Variants in SART3 observed in about 807,000 individuals in gnomAD.
SART3 encodes spliceosome associated factor 3, U4/U6 recycling protein, also known as HIV-1 Tat-interacting protein of 110kDa.
Under a neutral mutation model 122.3 loss-of-function variants are expected in SART3, and 44 were observed. The ratio of observed to expected loss-of-function variants is 0.36; its 90% confidence interval spans 0.28 to 0.46. SART3 has a LOEUF of 0.46. Ranked by LOEUF, SART3 falls within the 20% of genes least tolerant of loss-of-function variation. The probability of loss-of-function intolerance (pLI) is 1.00; values close to 1 mark genes in which losing one functional copy is unlikely to be tolerated. For synonymous variants in SART3, 442 were observed against 454.0 expected (o/e 0.97, Z 0.34); for missense variants, 1,101 against 1,229.0 (o/e 0.90, Z 1.56).
In SART3 at chr12:108,543,021, C is replaced by A; in HGVS notation, c.906+7G>T. 6.2e-7 allele frequency: 1 copy of A among 1,614,226 alleles called. No individual in the cohort carries two copies. Among genetic ancestry groups the A allele is most frequent in the Non-Finnish European group, 8.5e-7 (1 of 1,180,038 alleles). On this transcript the variant is annotated splice_region_variant and intron_variant, in intron 6 of 18. Coordinates refer to ENST00000546815, the MANE Select transcript of SART3 (RefSeq NM_014706.4). Reference sequence around the variant, plus strand: ...AGACGTTTACTATAAAAGAAGCCAACACTTACCAGTGCTTCTTCATAGGGT... The same window carrying A: ...AGACGTTTACTATAAAAGAAGCCAAAACTTACCAGTGCTTCTTCATAGGGT...
At position 108,540,573 on chromosome 12, in the gene SART3, TAA is replaced by T. The variant is rs56122105; in HGVS notation, c.907-1486_907-1485del. Among the ~76,000 whole-genome samples, 22 of 141,252 alleles carry T rather than the reference TAA, an allele frequency of 1.6e-4. 1 individual carries two copies. The highest frequency in any genetic ancestry group is 3.3e-4 in the African/African-American group (12 of 36,378). The allele number at this position is 141,252 out of a possible 152,430, so 92.7% of individuals were successfully genotyped here. On this transcript the variant is annotated intron_variant, in intron 6 of 18. Transcript: ENST00000546815. ...TCTCCAGGTTCAATGCAATTCCAAT[TAA>T]AAAAAAAAAGATTTTAAAAATATAA...
Position 108,535,430 on chromosome 12 carries a change from G to A in SART3, c.1485C>T (p.Leu495=). ...TTCCTCTGGTCATGATGCTATCCCA[G>A]AGTTCCCGAGCTTTCTGCATGTTAT... ...LCNNMQKARE[L]WDSIMTRGNA... The change falls in exon 12 of 19, where the codon CTC becomes CTT. Residue 495 remains leucine (L), a synonymous_variant. Coordinates refer to ENST00000546815, the MANE Select transcript of SART3 (RefSeq NM_014706.4). The A allele has an allele frequency of 1.2e-6, 2 of 1,614,118 alleles. No individual in the cohort carries two copies. The highest frequency in any genetic ancestry group is 1.7e-6 in the Non-Finnish European group (2 of 1,180,002).
Position 108,530,169 on chromosome 12 carries a change from C to G in SART3, c.1888G>C (p.Glu630Gln). 1 of 1,614,184 alleles carries G rather than the reference C, an allele frequency of 6.2e-7. No individual in the cohort carries two copies. Among genetic ancestry groups the G allele is most frequent in the Non-Finnish European group, 8.5e-7 (1 of 1,180,026 alleles). Residue 630 changes from glutamate (E) to glutamine (Q), a missense_variant, in exon 15 of 19, where the codon GAG becomes CAG. Glu to Gln is a conservative substitution (Grantham distance 29). This residue lies in a region of SART3 where 885 missense variants were observed against 1,080.1 expected (regional missense o/e 0.82). Transcript: ENST00000546815. ...TCTTCATCATCGCCCCACTCTTTCT[C>G]ATCATCCTCATCTGCTCCGCGCTTC... ...PEKRGADEDD[E>Q]KEWGDDEEEQ...
chr12:108,549,906 A>C (rs1185101412), intron 1 of SART3, among the ~76,000 whole-genome samples: 1 of 151,302 alleles, frequency 6.6e-6, no homozygotes, highest in Non-Finnish European at 1.5e-5. Flanking sequence ...GGTCCCAGCT[A>C]CTTGGGAGGC....
intron 12 of SART3, chr12:108,532,586 C>G (rs1273310227): frequency 6.8e-6 from 3 of 438,186 alleles, no homozygotes; most frequent in Non-Finnish European, 1.3e-5. Context: ...ATATTGTGAT[C>G]TGCAACCAGC....
At chr12:108,525,695 A>T (rs924254422) in intron 16 of SART3, 86 bp from the exon 17 acceptor site, 79 of 1,397,344 alleles carry the variant, frequency 5.7e-5, no homozygotes, top group Non-Finnish European at 7.6e-5. Context: ...CCTTGTCCCC[A>T]TGAGCAGCCC....
chr12:108,532,760 T>C (rs1362485287), intron 12 of SART3: 1 of 205,560 alleles, frequency 4.9e-6, no homozygotes, highest in Non-Finnish European at 1.0e-5. Context: ...TCAGATCTTT[T>C]TTTTTTTTTT....
In SART3 at chr12:108,523,639, A is replaced by G. The variant is rs776471306; in HGVS notation, c.2715-5T>C. The G allele has an allele frequency of 6.2e-7, 1 of 1,613,610 alleles. No individual in the cohort carries two copies. Among genetic ancestry groups the G allele is most frequent in the Admixed American group, 1.7e-5 (1 of 60,014 alleles). The stretch of plus-strand genomic sequence containing the variant: ...TGCGTCCTTCCCTTCCCCCTCCTAA[A>G]AGAGCAAACACTGAATGGACCTTTT... On this transcript the variant is annotated splice_polypyrimidine_tract_variant and splice_region_variant and intron_variant, in intron 18 of 18. Transcript: ENST00000546815.
intron 15 of SART3, among the ~76,000 whole-genome samples, chr12:108,527,121 C>T (rs540367174): frequency 1.3e-5 from 2 of 152,188 alleles, no homozygotes; most frequent in Non-Finnish European, 2.9e-5. Context: ...CATCAGCCTC[C>T]GGCAAACAGA....
At chr12:108,530,874 A>C (rs1054940898) in intron 14 of SART3, among the ~76,000 whole-genome samples, 4 of 151,946 alleles carry the variant, frequency 2.6e-5, no homozygotes, top group African/African-American at 9.7e-5. Context: ...AAAAAAATCC[A>C]TAAAACTGAA....
rs1593231883 is a variant in SART3, at chr12:108,526,180, C to T, written c.2289G>A (p.Leu763=). ...CTTCTACACTTTTCCGGTCCATCTC[C>T]AGTGCCTGAAGGGCTGATTTCTCTT... The part of the protein sequence containing the change: ...FKEEKSALQA[L]EMDRKSVEGR... Residue 763 remains leucine, a synonymous_variant, in exon 16 of 19, where the codon CTG becomes CTA. Transcript: ENST00000546815. 1 of 1,614,236 alleles carries T rather than the reference C, an allele frequency of 6.2e-7. No individual in the cohort carries two copies. Among genetic ancestry groups the T allele is most frequent in the Non-Finnish European group, 8.5e-7 (1 of 1,180,044 alleles).
chr12:108,551,831 T>C (rs1287953176), intron 1 of SART3, among the ~76,000 whole-genome samples: 2 of 152,058 alleles, frequency 1.3e-5, no homozygotes, highest in Non-Finnish European at 2.9e-5. Context: ...AATTAAGTAA[T>C]ACACTTCTAA....
chr12:108,548,519 C>T (rs1442071153), intron 2 of SART3, among the ~76,000 whole-genome samples: 2 of 152,164 alleles, frequency 1.3e-5, no homozygotes, highest in African/African-American at 2.4e-5. Context: ...CATCTACACT[C>T]GGCAGTTATG....
At chr12:108,537,260 A>G in intron 9 of SART3, 1 of 524,986 alleles carries the variant, frequency 1.9e-6, no homozygotes, top group Non-Finnish European at 3.4e-6. Context: ...GAGAGCTAAG[A>G]CTAAAAAGGC....
chr12:108,549,587 C>G (rs534108934), intron 1 of SART3, among the ~76,000 whole-genome samples: 1 of 152,286 alleles, frequency 6.6e-6, no homozygotes, highest in South Asian at 2.1e-4. Context: ...TAGCTCATAC[C>G]AGGTCTTCCA....
chr12:108,552,001 C>G (rs1305177873), intron 1 of SART3, among the ~76,000 whole-genome samples: 4 of 152,106 alleles, frequency 2.6e-5, no homozygotes, highest in Non-Finnish European at 4.4e-5. Context: ...GAATTATACA[C>G]CATGACCAAG....
chr12:108,560,771 A>C, intron 1 of SART3, 72 bp downstream of exon 1: 1 of 1,351,364 alleles, frequency 7.4e-7, no homozygotes, highest in Non-Finnish European at 1.0e-6. Flanking sequence ...AGGACTAGGG[A>C]GGCGGGCCAG....
chr12:108,522,529 TGAA>T lies in SART3; in HGVS notation c.*925_*927del, dbSNP rs1872174781. The T allele has an allele frequency of 6.6e-6, 1 of 152,222 alleles. No individual in the cohort carries two copies. Among genetic ancestry groups the T allele is most frequent in the Non-Finnish European group, 1.5e-5 (1 of 68,040 alleles). 9.4% of individuals were successfully genotyped at this position (152,222 alleles called of 1,614,324 possible). A position where few individuals can be genotyped will look rare whatever the true frequency, so the allele number is the denominator to read the frequency against. On this transcript the variant is annotated 3_prime_UTR_variant, in exon 19 of 19. Transcript: ENST00000546815. ...GCTCCAGTGTCAAACTGCTATAAAA[TGAA>T]GACACATCACAGCTGGAATAATTTA... is the stretch of plus-strand genomic sequence containing the variant.
Position 108,523,209 on chromosome 12 carries a change from T to C in SART3, c.*248A>G, listed in dbSNP as rs1872206394. 3.4e-6 allele frequency: 2 copies of C among 584,590 alleles called. No homozygotes were observed. The highest frequency in any genetic ancestry group is 4.0e-5 in the South Asian group (2 of 50,252). The allele number at this position is 584,590 out of a possible 1,614,324, so 36.2% of individuals were successfully genotyped here. On this transcript the variant is annotated 3_prime_UTR_variant, in exon 19 of 19. Coordinates refer to ENST00000546815, the MANE Select transcript of SART3 (RefSeq NM_014706.4). ...CCTCAGTCTTTAAGATACAAAACTA[T>C]CTCAGGACACCACATCCTGGGCCCA...
Sources: gnomAD v4.1 joint callset for allele counts (sites outside exome capture counted in the v4.1 genomes callset) on GRCh38, gnomAD v4.1.1 for gene constraint, gnomAD v4.1.1 regional missense constraint, MANE v1.5 for transcripts, NCBI Gene and HGNC (gene_info 2026-07-23, HGNC 2026-07-21) for gene names.